MPP4: variants seen among roughly 807,000 people sequenced by gnomAD.
MPP4 encodes the protein MAGUK p55 scaffold protein 4, also known as MAGUK p55 subfamily member 4.
A neutral mutation model predicts 98.3 loss-of-function variants in MPP4; 91 were observed. That is an observed-to-expected ratio of 0.93 (90% CI 0.78 to 1.10). The LOEUF (loss-of-function observed/expected upper bound fraction) is 1.10, where lower values mean the gene tolerates loss of function less well. Ranked by LOEUF, MPP4 falls within the 50% of genes least tolerant of loss-of-function variation. The probability of loss-of-function intolerance (pLI) is 0.00; values close to 1 mark genes in which losing one functional copy is unlikely to be tolerated. For synonymous variants in MPP4, 261 were observed against 271.8 expected (o/e 0.96, Z 0.39); for missense variants, 744 against 792.9 (o/e 0.94, Z 0.74).
chr2:201,646,998 G>C (rs1332628980), intron 21 of MPP4, among the ~76,000 whole-genome samples: 2 of 152,160 alleles, frequency 1.3e-5, no homozygotes, highest in Admixed American at 6.5e-5. Context: ...CTTGATGTGG[G>C]TGATGGTTAT....
intron 10 of MPP4, among the ~76,000 whole-genome samples, chr2:201,675,902 A>G (rs1026393795): frequency 2.4e-4 from 36 of 152,314 alleles, no homozygotes; most frequent in African/African-American, 8.7e-4. Context: ...GAGCAAGAGA[A>G]GATTTCGAAG....
chr2:201,660,977 A>G (rs981001777), intron 14 of MPP4, among the ~76,000 whole-genome samples: 3 of 152,128 alleles, frequency 2.0e-5, no homozygotes, highest in Admixed American at 6.5e-5. Flanking sequence ...CTGGAGTGCA[A>G]TGGTGCTATC....
intron 14 of MPP4, among the ~76,000 whole-genome samples, chr2:201,661,220 C>T (rs1328347119): frequency 5.7e-5 from 8 of 140,748 alleles, no homozygotes; most frequent in South Asian, 2.3e-4. Flanking sequence ...CATATCCAGC[C>T]TTTTTTTTTT....
intron 7 of MPP4, among the ~76,000 whole-genome samples, 160 bp downstream of exon 7, chr2:201,684,904 C>T (rs1434342574): frequency 1.4e-5 from 2 of 147,600 alleles, no homozygotes; most frequent in South Asian, 2.1e-4. Flanking sequence ...GCCGAGATCA[C>T]GCCACTGCAC....
At chr2:201,663,967 T>A (rs1688094315) in intron 14 of MPP4, 114 bp downstream of exon 14, 1 of 678,942 alleles carries the variant, frequency 1.5e-6, no homozygotes, top group South Asian at 3.2e-5. Context: ...CAGTTACTTT[T>A]TAATTTTTTA....
chr2:201,646,427 T>A (rs1333278549), intron 21 of MPP4, among the ~76,000 whole-genome samples: 1 of 152,186 alleles, frequency 6.6e-6, no homozygotes, highest in East Asian at 1.9e-4. Context: ...TATTTTCTTA[T>A]TAGTTCATGA....
intron 18 of MPP4, chr2:201,650,411 A>C (rs768871414): frequency 5.1e-6 from 5 of 985,460 alleles, no homozygotes; most frequent in Non-Finnish European, 6.0e-6. Flanking sequence ...AGCCAGCATA[A>C]GAAAGACCTA....
chr2:201,653,779 A>G (rs1479026203), intron 18 of MPP4, among the ~76,000 whole-genome samples: 7 of 151,952 alleles, frequency 4.6e-5, no homozygotes, highest in East Asian at 1.9e-4. Context: ...AATTCCTTCT[A>G]TTTTTAGAAT....
At chr2:201,675,070 A>T in intron 11 of MPP4, 137 bp downstream of exon 11, 1 of 1,019,524 alleles carries the variant, frequency 9.8e-7, no homozygotes, top group Non-Finnish European at 1.5e-6. Flanking sequence ...AGGGCCCTTC[A>T]AGGAGATTGA....
At chr2:201,645,586 C>A (rs1653474550) in intron 21 of MPP4, among the ~76,000 whole-genome samples, 182 bp from the exon 22 acceptor site, 2 of 152,042 alleles carry the variant, frequency 1.3e-5, no homozygotes, top group African/African-American at 4.8e-5. Flanking sequence ...TCTACAAAAC[C>A]AGCAAACTAG....
intron 7 of MPP4, among the ~76,000 whole-genome samples, chr2:201,684,665 T>TCTCAGGACGGGTGTGTGG (rs1688763266): frequency 1.3e-5 from 2 of 152,164 alleles, no homozygotes; most frequent in South Asian, 4.1e-4. Context: ...AAGAGGGATT[T>TCTCAGGACGGGTGTGTGG]CTCAGGACGG....
intron 7 of MPP4, among the ~76,000 whole-genome samples, chr2:201,683,751 C>CAA (rs1321790610): frequency 1.3e-3 from 117 of 86,736 alleles, no homozygotes; most frequent in African/African-American, 5.1e-3. Flanking sequence ...GACTCTGTCT[C>CAA]AAAAAAAAAA....
At chr2:201,666,177 T>C (rs1185591743) in intron 13 of MPP4, 157 bp downstream of exon 13, 1 of 528,244 alleles carries the variant, frequency 1.9e-6, no homozygotes, top group Admixed American at 4.2e-5. Flanking sequence ...TCCTTCCAAG[T>C]GCCAGAACTA....
Position 201,692,894 on chromosome 2 carries a change from A to C in MPP4, c.201+14T>G. On this transcript the variant is annotated intron_variant, in intron 3 of 21. Transcript: ENST00000409474. ...CTTCAGCAAGCAAAGGCTTCCGAGCAAAGAAGCACTCACCTTTAGCAGAGC... is the reference window on the plus strand; with the variant it reads ...CTTCAGCAAGCAAAGGCTTCCGAGCCAAGAAGCACTCACCTTTAGCAGAGC... The C allele has an allele frequency of 6.2e-7, 1 of 1,604,298 alleles. No homozygotes were observed.
At chr2:201,668,078 G>A (rs1688233156) in intron 12 of MPP4, among the ~76,000 whole-genome samples, 2 of 151,700 alleles carry the variant, frequency 1.3e-5, no homozygotes. Context: ...TTTTCTTTAG[G>A]GCAAACAAAG....
chr2:201,664,954 G>A (rs1454039820), intron 13 of MPP4: 1 of 166,638 alleles, frequency 6.0e-6, no homozygotes, highest in Non-Finnish European at 1.5e-5. Flanking sequence ...AGTTGGAAAA[G>A]CCAGGAACAG....
intron 9 of MPP4, 44 bp downstream of exon 9, chr2:201,681,451 TG>T: frequency 1.4e-6 from 2 of 1,450,816 alleles, no homozygotes; most frequent in Non-Finnish European, 1.9e-6. Context: ...TGCTGTTACT[TG>T]GGGATTTACT....
chr2:201,669,135 AG>A (rs1688268576), intron 12 of MPP4, among the ~76,000 whole-genome samples: 2 of 150,804 alleles, frequency 1.3e-5, no homozygotes, highest in Admixed American at 6.6e-5. Flanking sequence ...AGAGAGAGAG[AG>A]AGAGCACCAT....
chr2:201,688,433 A>G (rs1217281284), intron 4 of MPP4, among the ~76,000 whole-genome samples: 3 of 152,174 alleles, frequency 2.0e-5, no homozygotes, highest in Non-Finnish European at 4.4e-5. Context: ...AAGTGCTAGG[A>G]GGGAATACAA....
Sources: allele counts gnomAD v4.1 joint callset (sites outside exome capture counted in the v4.1 genomes callset), GRCh38; gene constraint gnomAD v4.1.1; transcripts MANE v1.5; gene names NCBI Gene and HGNC (gene_info 2026-07-23, HGNC 2026-07-21).